CDH7: variants seen among roughly 807,000 people sequenced by gnomAD.
The protein encoded by CDH7 is cadherin-7.
A neutral mutation model predicts 71.8 loss-of-function variants in CDH7; 25 were observed. That is an observed-to-expected ratio of 0.35 (90% CI 0.25 to 0.49). The LOEUF is 0.49. Ranked by LOEUF, CDH7 falls within the 20% of genes least tolerant of loss-of-function variation. The pLI is 0.99. For synonymous variants in CDH7, 381 were observed against 363.8 expected (o/e 1.05, Z -0.54); for missense variants, 862 against 974.6 (o/e 0.88, Z 1.54).
chr18:65,848,840 G>A (rs1002317513), intron 7 of CDH7, among the ~76,000 whole-genome samples: 7 of 88,108 alleles, frequency 7.9e-5, no homozygotes, highest in African/African-American at 1.7e-4. Context: ...ATATTTACCC[G>A]TGGGCTTTTT....
rs1278194369 is a variant in CDH7 at position 65,781,860 on chromosome 18, TTCTTTCTC to T, written c.210+18812_210+18819del. 5.7e-5 allele frequency among the ~76,000 whole-genome samples: 4 copies of T among 70,360 alleles called. 2 individuals are homozygous for T. Among genetic ancestry groups the T allele is most frequent in the Non-Finnish European group, 9.9e-5 (4 of 40,300 alleles). 46.2% of individuals were successfully genotyped at this position (70,360 alleles called of 152,430 possible). ...TTTCTTTCTTTCTTTCTTTCTTTCT[TTCTTTCTC>T]TCTCTCTCTCTGTCTCTCTCTCTCT... is the stretch of plus-strand genomic sequence containing the variant. On this transcript the variant is annotated intron_variant, in intron 2 of 11. Coordinates refer to ENST00000397968, the MANE Select transcript of CDH7 (RefSeq NM_004361.5).
chr18:65,874,813 A>G lies in CDH7; in HGVS notation c.1865-5588A>G, dbSNP rs189702728. ...AATGGTACCATTTTGTGATGATCAG[A>G]TGACATCGGCAGAATTCTGCTATTT... On this transcript the variant is annotated intron_variant, in intron 11 of 11. Transcript: ENST00000397968. 9.4e-3 allele frequency among the ~76,000 whole-genome samples: 1,423 copies of G among 152,172 alleles called. 13 individuals are homozygous for G. The highest frequency in any genetic ancestry group is 0.014 in the Non-Finnish European group (984 of 67,998).
intron 2 of CDH7, among the ~76,000 whole-genome samples, chr18:65,764,047 A>G (rs1409312694): frequency 2.6e-5 from 4 of 152,044 alleles, no homozygotes; most frequent in African/African-American, 9.7e-5. Context: ...TGTCAGTTTT[A>G]TATTTGTCTT....
intron 2 of CDH7, among the ~76,000 whole-genome samples, chr18:65,802,768 C>T (rs954619603): frequency 6.6e-6 from 1 of 152,090 alleles, no homozygotes; most frequent in South Asian, 2.1e-4. Flanking sequence ...TGGATCTGGT[C>T]TGGAGACAGC....
intron 2 of CDH7, among the ~76,000 whole-genome samples, chr18:65,793,855 A>G (rs892175964): frequency 6.6e-6 from 1 of 152,168 alleles, no homozygotes; most frequent in African/African-American, 2.4e-5. Flanking sequence ...GAGCACATGA[A>G]AAGTGTAAGA....
At chr18:65,773,938 T>A (rs1174249223) in intron 2 of CDH7, among the ~76,000 whole-genome samples, 1 of 152,070 alleles carries the variant, frequency 6.6e-6, no homozygotes, top group Non-Finnish European at 1.5e-5. Flanking sequence ...CCACACTAAT[T>A]TTAAATGAAC....
chr18:65,865,865 G>A (rs1250714022), intron 11 of CDH7: 3 of 152,086 alleles, frequency 2.0e-5, no homozygotes, highest in Non-Finnish European at 4.4e-5. Flanking sequence ...TCAGAAAGTG[G>A]TGTGAATCTC....
chr18:65,821,343 A>T (rs989186150), intron 4 of CDH7, among the ~76,000 whole-genome samples: 5 of 152,090 alleles, frequency 3.3e-5, no homozygotes, highest in African/African-American at 9.7e-5. Context: ...TACCACCTGG[A>T]CCTAATTTGT....
chr18:65,828,047 A>G (rs1046632796), intron 6 of CDH7, among the ~76,000 whole-genome samples: 2 of 151,682 alleles, frequency 1.3e-5, no homozygotes, highest in African/African-American at 4.8e-5. Flanking sequence ...CGTAGTTCTG[A>G]GTAGATACTA....
rs1290306117 is a variant in CDH7, at chr18:65,781,978, CTCTCTCTCTT to C, written c.210+18934_210+18943del. Among the ~76,000 whole-genome samples the C allele has an allele frequency of 3.2e-3, 293 of 91,894 alleles. 31 individuals carry two copies. The highest frequency in any genetic ancestry group is 4.9e-3 in the Non-Finnish European group (240 of 49,438). The allele number at this position is 91,894 out of a possible 152,430, so 60.3% of individuals were successfully genotyped here. On this transcript the variant is annotated intron_variant, in intron 2 of 11. Coordinates refer to ENST00000397968, the MANE Select transcript of CDH7 (RefSeq NM_004361.5). The stretch of plus-strand genomic sequence containing the variant: ...TTTCTCTCTTTCTCTCTCTCTCTCT[CTCTCTCTCTT>C]TCTCTCTTTCTCTCTTTCTCTCTTT...
chr18:65,837,731 A>G (rs977852634), intron 6 of CDH7, among the ~76,000 whole-genome samples: 2 of 152,134 alleles, frequency 1.3e-5, no homozygotes, highest in African/African-American at 4.8e-5. Context: ...CTTGGTCATA[A>G]CCCAGGGAAA....
intron 10 of CDH7, among the ~76,000 whole-genome samples, chr18:65,861,308 G>A (rs548337835): frequency 1.4e-5 from 2 of 144,778 alleles, no homozygotes; most frequent in African/African-American, 5.2e-5. Context: ...ATTTCAGCTT[G>A]TGTTCCTCAA....
chr18:65,864,373 C>T (rs542748697), intron 11 of CDH7, among the ~76,000 whole-genome samples: 33 of 150,690 alleles, frequency 2.2e-4, no homozygotes, highest in Non-Finnish European at 4.1e-4. Flanking sequence ...AAATGTTTTG[C>T]GGTTTTTTGT....
intron 1 of CDH7, among the ~76,000 whole-genome samples, chr18:65,752,739 A>C (rs566995195): frequency 1.3e-5 from 2 of 152,210 alleles, no homozygotes; most frequent in Non-Finnish European, 2.9e-5. Flanking sequence ...GTAACATCCA[A>C]CGTCAATAGT....
intron 2 of CDH7, chr18:65,803,845 G>A (rs1239712715): frequency 1.5e-5 from 2 of 129,344 alleles, no homozygotes; most frequent in African/African-American, 5.3e-5. Flanking sequence ...TCTAGAATAA[G>A]TAAATCAGTG....
chr18:65,815,560 C>A (rs987224260), intron 4 of CDH7, among the ~76,000 whole-genome samples: 3 of 152,064 alleles, frequency 2.0e-5, no homozygotes, highest in Non-Finnish European at 4.4e-5. Context: ...ATGTTTTGAA[C>A]ACCTTTTGAG....
chr18:65,800,323 C>G (rs756482524), intron 2 of CDH7, among the ~76,000 whole-genome samples: 1 of 152,192 alleles, frequency 6.6e-6, no homozygotes, highest in South Asian at 2.1e-4. Context: ...TTGTGATCCT[C>G]CCGCCTTAGC....
At chr18:65,760,516 A>G (rs1355058291) in intron 1 of CDH7, among the ~76,000 whole-genome samples, 1 of 152,194 alleles carries the variant, frequency 6.6e-6, no homozygotes, top group African/African-American at 2.4e-5. Context: ...TAAATGGTAT[A>G]ATTTTGCTCT....
intron 2 of CDH7, among the ~76,000 whole-genome samples, chr18:65,781,966 C>T (rs201289133): frequency 3.2e-4 from 12 of 37,222 alleles, no homozygotes; most frequent in African/African-American, 1.6e-3. Context: ...CTCTCTTTCT[C>T]TCTCTCTCTC....
Sources: allele counts gnomAD v4.1 joint callset (sites outside exome capture counted in the v4.1 genomes callset), GRCh38; gene constraint gnomAD v4.1.1; transcripts MANE v1.5; gene names NCBI Gene and HGNC (gene_info 2026-07-23, HGNC 2026-07-21).